SPTBN1: variants seen among roughly 807,000 people sequenced by gnomAD.
SPTBN1 encodes spectrin beta chain, non-erythrocytic 1.
Under a neutral mutation model 266.4 loss-of-function variants are expected in SPTBN1, and 32 were observed. That is an observed-to-expected ratio of 0.12 (90% CI 0.09 to 0.16). The LOEUF (loss-of-function observed/expected upper bound fraction) is 0.16, where lower values mean the gene tolerates loss of function less well. Ranked by LOEUF, SPTBN1 falls within the 10% of genes least tolerant of loss-of-function variation. The pLI, the probability that SPTBN1 is intolerant of heterozygous loss-of-function variation, is 1.00. For synonymous variants in SPTBN1, 1,336 were observed against 1,162.2 expected (o/e 1.15, Z -3.04); for missense variants, 2,296 against 3,067.1 (o/e 0.75, Z 5.94).
At chr2:54,574,963 C>G (rs1341020104) in intron 2 of SPTBN1, among the ~76,000 whole-genome samples, 1 of 152,106 alleles carries the variant, frequency 6.6e-6, no homozygotes, top group Admixed American at 6.5e-5. Context: ...AACCTGAGGA[C>G]CAGAAAGATG....
At chr2:54,644,184 A>G in intron 19 of SPTBN1, 139 bp from the exon 20 acceptor site, 2 of 1,067,682 alleles carry the variant, frequency 1.9e-6, no homozygotes, top group East Asian at 2.5e-5. Flanking sequence ...TTTATTGAGC[A>G]GTAACTTCAT....
chr2:54,486,099 G>A (rs1455109237), intron 1 of SPTBN1, among the ~76,000 whole-genome samples: 1 of 144,342 alleles, frequency 6.9e-6, no homozygotes, highest in Admixed American at 6.9e-5. Flanking sequence ...AGGGAGGTGG[G>A]GGGGTCAGCC....
At chr2:54,593,969 G>C (rs1393367470) in intron 2 of SPTBN1, among the ~76,000 whole-genome samples, 2 of 151,210 alleles carry the variant, frequency 1.3e-5, no homozygotes, top group Non-Finnish European at 2.9e-5. Context: ...GAGTAGCTGG[G>C]TTACAGGTGC....
chr2:54,648,387 G>A (rs1680055343), intron 24 of SPTBN1, among the ~76,000 whole-genome samples: 1 of 152,170 alleles, frequency 6.6e-6, no homozygotes, highest in Non-Finnish European at 1.5e-5. Context: ...GGGGGATTCA[G>A]TCTCCTGACT....
At position 54,659,956 on chromosome 2, in the gene SPTBN1, A is replaced by G; in HGVS notation, c.6377A>G (p.Gln2126Arg). The change falls in exon 32 of 36, where the codon CAA becomes CGA. Residue 2126 changes from glutamine (Q) to arginine (R), a missense_variant. By Grantham distance (43) the Gln-to-Arg change is conservative (BLOSUM62 1). This residue lies in a region of SPTBN1 where 347 missense variants were observed against 368.5 expected (regional missense o/e 0.94). Transcript: ENST00000356805. ...AACAGGGATACTTCAAAAGGAGAAC[A>G]AGTTTCCCAAAACGGTTTGCCAGCT... ...QQQWDTSKGE[Q>R]VSQNGLPAEQ... is the part of the protein sequence containing the mutation. The G allele has an allele frequency of 6.2e-7, 1 of 1,614,180 alleles. No individual in the cohort carries two copies. Among genetic ancestry groups the G allele is most frequent in the Non-Finnish European group, 8.5e-7 (1 of 1,180,032 alleles).
Position 54,631,412 on chromosome 2 carries a change from G to A in SPTBN1, c.3365G>A (p.Arg1122Lys). 6.2e-7 allele frequency: 1 copy of A among 1,614,248 alleles called. No individual in the cohort carries two copies. Among genetic ancestry groups the A allele is most frequent in the Non-Finnish European group, 8.5e-7 (1 of 1,180,048 alleles). The change falls in exon 16 of 36, where the codon AGG becomes AAG. Residue 1122 changes from arginine to lysine, a missense_variant. Physicochemically the swap from Arg to Lys is conservative, Grantham distance 26. Transcript: ENST00000356805. ...TACGAGGAGGACTACCAGAAGATGAGGGACATGGGCGAGATGGTCACCCAG... is the reference window on the plus strand; with the variant it reads ...TACGAGGAGGACTACCAGAAGATGAAGGACATGGGCGAGATGGTCACCCAG... ...DNYEEDYQKM[R>K]DMGEMVTQGQ...
chr2:54,567,571 T>C (rs991242090), intron 2 of SPTBN1, among the ~76,000 whole-genome samples: 3 of 152,126 alleles, frequency 2.0e-5, no homozygotes, highest in Admixed American at 6.6e-5. Flanking sequence ...AATTTTATTA[T>C]TTTTATTTGT....
chr2:54,525,206 A>G (rs766897105), intron 1 of SPTBN1, among the ~76,000 whole-genome samples: 4 of 152,168 alleles, frequency 2.6e-5, no homozygotes, highest in South Asian at 4.1e-4. Context: ...TTGAGCATCT[A>G]CCATGCACTG....
At chr2:54,588,611 A>T (rs1200925733) in intron 2 of SPTBN1, among the ~76,000 whole-genome samples, 1 of 152,200 alleles carries the variant, frequency 6.6e-6, no homozygotes, top group Non-Finnish European at 1.5e-5. Context: ...GCTGTAATGA[A>T]GGAGGGAAAG....
chr2:54,560,548 A>C (rs1238366623), intron 2 of SPTBN1, among the ~76,000 whole-genome samples: 1 of 152,078 alleles, frequency 6.6e-6, no homozygotes, highest in African/African-American at 2.4e-5. Flanking sequence ...GGACAACGTA[A>C]AGTTTAAATT....
intron 2 of SPTBN1, among the ~76,000 whole-genome samples, chr2:54,596,161 T>C (rs887156943): frequency 1.3e-5 from 2 of 152,130 alleles, no homozygotes; most frequent in African/African-American, 2.4e-5. Flanking sequence ...CACTCCTGGA[T>C]TGCCTTTCAT....
In SPTBN1 at chr2:54,614,171, A is replaced by G. The variant is rs532800883; in HGVS notation, c.474+1837A>G. Among the ~76,000 whole-genome samples, 9 of 152,348 alleles carry G rather than the reference A, an allele frequency of 5.9e-5. No individual in the cohort carries two copies. In the South Asian group the frequency reaches 1.9e-3, roughly 32 times the overall value. On this transcript the variant is annotated intron_variant, in intron 4 of 35. Coordinates refer to ENST00000356805, the MANE Select transcript of SPTBN1 (RefSeq NM_003128.3). ...GCAGTGTTGTTGTCTTAAATGACTC[A>G]GCTTTCTCCAGCAGCTTTATTAAAA... is the stretch of plus-strand genomic sequence containing the variant.
Position 54,540,510 on chromosome 2 carries a change from A to T in SPTBN1, c.148+13944A>T, listed in dbSNP as rs1170525501. On this transcript the variant is annotated intron_variant, in intron 2 of 35. Coordinates refer to ENST00000356805, the MANE Select transcript of SPTBN1 (RefSeq NM_003128.3). This position sits in a 1 kb window ranked among gnomAD's most constrained non-coding sequence, Gnocchi z 5.6. ...AAGGTTTTTACCCTTTTTGGTTAAAAGAACTAAAGCTAAAGATTTCTTTAG... is the reference window on the plus strand; with the variant it reads ...AAGGTTTTTACCCTTTTTGGTTAAATGAACTAAAGCTAAAGATTTCTTTAG... The T allele has an allele frequency of 6.6e-6, 1 of 152,234 alleles. No individual in the cohort carries two copies. Among genetic ancestry groups the T allele is most frequent in the Non-Finnish European group, 1.5e-5 (1 of 68,060 alleles). 9.4% of individuals were successfully genotyped at this position (152,234 alleles called of 1,614,324 possible).
chr2:54,602,431 C>T (rs771411224), intron 3 of SPTBN1, among the ~76,000 whole-genome samples: 3 of 152,166 alleles, frequency 2.0e-5, no homozygotes, highest in East Asian at 1.9e-4. Flanking sequence ...ATGTTCTGCC[C>T]ACAGCTCATA....
At chr2:54,619,103 G>A (rs534687829) in intron 7 of SPTBN1, among the ~76,000 whole-genome samples, 2 of 152,310 alleles carry the variant, frequency 1.3e-5, no homozygotes, top group East Asian at 3.9e-4. Context: ...AAAAAACTGT[G>A]TGTATGTGAG....
chr2:54,489,494 A>C (rs916964311), intron 1 of SPTBN1, among the ~76,000 whole-genome samples: 1 of 152,100 alleles, frequency 6.6e-6, no homozygotes, highest in Non-Finnish European at 1.5e-5. Context: ...TAAGGCCAGG[A>C]GTTTGAGACC....
intron 1 of SPTBN1, among the ~76,000 whole-genome samples, chr2:54,490,116 G>A (rs1300577295): frequency 7.0e-6 from 1 of 142,420 alleles, no homozygotes; most frequent in Non-Finnish European, 1.5e-5. Context: ...AGTTGCACTT[G>A]TCACCCAGGC....
In SPTBN1 at chr2:54,653,976, G is replaced by C. The variant is rs1181798264; in HGVS notation, c.5822+123G>C. ...CTGAGCGCTTCAAGGCCAGAGTGGG[G>C]GTGGGGCGGTGCTTGGAGTGCGGCA... is the stretch of plus-strand genomic sequence containing the variant. On this transcript the variant is annotated intron_variant, in intron 27 of 35. Coordinates refer to ENST00000356805, the MANE Select transcript of SPTBN1 (RefSeq NM_003128.3). The surrounding 1 kb of genome is among the most constrained non-coding windows in gnomAD (Gnocchi z 5.1). 7.0e-7 allele frequency: 1 copy of C among 1,425,222 alleles called. No individual in the cohort carries two copies. Among genetic ancestry groups the C allele is most frequent in the South Asian group, 1.4e-5 (1 of 70,548 alleles). 88.3% of individuals were successfully genotyped at this position (1,425,222 alleles called of 1,614,324 possible).
At chr2:54,542,746 A>T (rs927524738) in intron 2 of SPTBN1, among the ~76,000 whole-genome samples, 1 of 152,156 alleles carries the variant, frequency 6.6e-6, no homozygotes, top group Non-Finnish European at 1.5e-5. Flanking sequence ...GGCCTTTTCA[A>T]CTGTTGAATT....
Sources: allele counts gnomAD v4.1 joint callset (sites outside exome capture counted in the v4.1 genomes callset), GRCh38; gene constraint gnomAD v4.1.1; regional missense constraint gnomAD v4.1.1; non-coding constraint Gnocchi (gnomAD v3.1); transcripts MANE v1.5; gene names NCBI Gene and HGNC (gene_info 2026-07-23, HGNC 2026-07-21).